NCKAP5: variants seen among roughly 807,000 people sequenced by gnomAD.
NCKAP5 encodes the protein nck-associated protein 5.
A neutral mutation model predicts 167.0 loss-of-function variants in NCKAP5; 92 were observed. The ratio of observed to expected loss-of-function variants is 0.55; its 90% CI spans 0.47 to 0.66. The LOEUF is 0.66. Among genes scored for constraint, NCKAP5 ranks in the 30% least tolerant of loss-of-function variants. The pLI, the probability that NCKAP5 is intolerant of heterozygous loss-of-function variation, is 0.00. For missense variants in NCKAP5, 2,378 were observed against 2,315.0 expected, an observed-to-expected ratio of 1.03 and a Z score of -0.56; for synonymous variants, 891 against 877.4, an observed-to-expected ratio of 1.02 and a Z score of -0.27.
chr2:133,595,288 T>A, the NCKAP5 span, among the ~76,000 whole-genome samples: 1 of 152,054 alleles, frequency 6.6e-6, no homozygotes, highest in Non-Finnish European at 1.5e-5. Flanking sequence ...ATAACCCAGT[T>A]CATCAGGGGG....
intron 4 of NCKAP5, among the ~76,000 whole-genome samples, chr2:133,245,713 A>G (rs2087944034): frequency 6.6e-6 from 1 of 152,106 alleles, no homozygotes; most frequent in Non-Finnish European, 1.5e-5. Context: ...TAGAGGAAAA[A>G]CAGGAGAATG....
intron 10 of NCKAP5, among the ~76,000 whole-genome samples, chr2:132,862,783 A>T (rs1489720825): frequency 6.6e-6 from 1 of 151,998 alleles, no homozygotes; most frequent in African/African-American, 2.4e-5. Flanking sequence ...AAAAAACCAA[A>T]AAAAAACAAA....
intron 2 of NCKAP5, among the ~76,000 whole-genome samples, chr2:133,523,210 T>C (rs2104782469): frequency 6.6e-6 from 1 of 152,116 alleles, no homozygotes; most frequent in South Asian, 2.1e-4. Context: ...TCTGATATAC[T>C]TCGTTAACAG....
At chr2:133,458,928 G>A in intron 3 of NCKAP5, among the ~76,000 whole-genome samples, 1 of 152,250 alleles carries the variant, frequency 6.6e-6, no homozygotes, top group Non-Finnish European at 1.5e-5. Flanking sequence ...TCCTTAAAAT[G>A]GTTTTCTACA....
intron 4 of NCKAP5, among the ~76,000 whole-genome samples, chr2:133,295,284 T>C (rs1679881177): frequency 6.6e-6 from 1 of 152,218 alleles, no homozygotes; most frequent in African/African-American, 2.4e-5. Context: ...CTCGATATGT[T>C]CCTTGAACCT....
intron 6 of NCKAP5, among the ~76,000 whole-genome samples, chr2:133,085,369 A>C (rs893558173): frequency 2.6e-5 from 4 of 152,180 alleles, no homozygotes; most frequent in Non-Finnish European, 5.9e-5. Context: ...TTGGTATTCT[A>C]AAAAATAAAA....
At chr2:133,671,576 G>C in the NCKAP5 span, among the ~76,000 whole-genome samples, 2 of 152,114 alleles carry the variant, frequency 1.3e-5, no homozygotes, top group African/African-American at 4.8e-5. Flanking sequence ...CTCACTGTGT[G>C]ATGCTCCACA....
rs115149878 is a variant in NCKAP5, at chr2:133,078,490, C to G, written c.341+51488G>C. Reference sequence around the variant, plus strand: ...AGCCAACTCTGCATGGGGAGATTCCCCCAGGACCTCTGCTGCTGGATGGTG... The same window carrying G: ...AGCCAACTCTGCATGGGGAGATTCCGCCAGGACCTCTGCTGCTGGATGGTG... On this transcript the variant is annotated intron_variant, in intron 6 of 19. Transcript: ENST00000409261. Among the ~76,000 whole-genome samples, 1,212 of 152,156 alleles carry G rather than the reference C, an allele frequency of 8.0e-3. 12 individuals carry two copies. Among genetic ancestry groups the G allele is most frequent in the African/African-American group, 0.028 (1,147 of 41,534 alleles).
chr2:133,492,423 G>C lies in NCKAP5; in HGVS notation c.69+25035C>G, dbSNP rs532504598. Among the ~76,000 whole-genome samples the C allele has an allele frequency of 2.0e-4, 31 of 152,244 alleles. No homozygotes were observed. The South Asian group carries it at 3.9e-3, about 19-fold the overall frequency. On this transcript the variant is annotated intron_variant, in intron 3 of 19. Transcript: ENST00000409261. ...GGTCTGTGGGTTCTTGCGGAAAGCG[G>C]GACTGTGCCTGTGATTTTCAGTTCT...
At chr2:133,512,699 G>A (rs1683600026) in intron 3 of NCKAP5, among the ~76,000 whole-genome samples, 1 of 152,188 alleles carries the variant, frequency 6.6e-6, no homozygotes, top group Admixed American at 6.5e-5. Context: ...TTCAATATGA[G>A]GAAGAAGTTT....
At chr2:132,959,553 C>T (rs549092080) in intron 8 of NCKAP5, among the ~76,000 whole-genome samples, 23 of 152,176 alleles carry the variant, frequency 1.5e-4, no homozygotes, top group East Asian at 3.9e-4. Context: ...AGAAGGGCCA[C>T]GTGGGAGTGT....
intron 6 of NCKAP5, among the ~76,000 whole-genome samples, chr2:133,105,215 T>C (rs1469195905): frequency 2.0e-5 from 3 of 152,250 alleles, no homozygotes; most frequent in Non-Finnish European, 4.4e-5. Flanking sequence ...AAATTGTTCA[T>C]GAAAAAATGT....
chr2:133,339,421 C>T (rs958083173), intron 3 of NCKAP5, among the ~76,000 whole-genome samples: 6 of 152,110 alleles, frequency 3.9e-5, no homozygotes, highest in Non-Finnish European at 7.3e-5. Flanking sequence ...GTATAGGTTG[C>T]TCTGGTCTTT....
intron 5 of NCKAP5, among the ~76,000 whole-genome samples, chr2:133,146,731 C>A (rs944271707): frequency 6.6e-6 from 1 of 152,026 alleles, no homozygotes; most frequent in Admixed American, 6.6e-5. Context: ...ACCCTATATT[C>A]CATCAGTAGG....
At position 133,430,287 on chromosome 2, in the gene NCKAP5, GC is replaced by G. The variant is rs552629693; in HGVS notation, c.69+87170del. Among the ~76,000 whole-genome samples the G allele has an allele frequency of 2.6e-3, 400 of 152,158 alleles. 3 individuals carry two copies. Among genetic ancestry groups the G allele is most frequent in the African/African-American group, 9.3e-3 (387 of 41,502 alleles). ...TCTGAATATTAGTCCTTTCTTGGAT[GC>G]ATAGTTTGCAAATATTTTCTCCCAA... On this transcript the variant is annotated intron_variant, in intron 3 of 19. Transcript: ENST00000409261.
chr2:132,946,421 T>C (rs1697734196), intron 8 of NCKAP5, among the ~76,000 whole-genome samples: 1 of 152,192 alleles, frequency 6.6e-6, no homozygotes, highest in South Asian at 2.1e-4. Flanking sequence ...TTGGAATTTA[T>C]AAACCTATAG....
At chr2:132,891,595 G>GTC (rs1158729017) in intron 8 of NCKAP5, among the ~76,000 whole-genome samples, 1 of 152,214 alleles carries the variant, frequency 6.6e-6, no homozygotes, top group Non-Finnish European at 1.5e-5. Flanking sequence ...ATAGATCAGT[G>GTC]TCTCTCTGTG....
intron 3 of NCKAP5, among the ~76,000 whole-genome samples, chr2:133,358,514 A>G (rs1393968261): frequency 6.6e-6 from 1 of 152,092 alleles, no homozygotes; most frequent in African/African-American, 2.4e-5. Flanking sequence ...GGACTTCAAA[A>G]CTGCAGTGAG....
intron 3 of NCKAP5, among the ~76,000 whole-genome samples, chr2:133,383,841 C>G (rs571100771): frequency 6.6e-6 from 1 of 152,296 alleles, no homozygotes; most frequent in East Asian, 1.9e-4. Flanking sequence ...TTTCATGTGT[C>G]TGTTGGCTGC....
Sources: allele counts gnomAD v4.1 joint callset (sites outside exome capture counted in the v4.1 genomes callset), GRCh38; gene constraint gnomAD v4.1.1; transcripts MANE v1.5; gene names NCBI Gene and HGNC (gene_info 2026-07-23, HGNC 2026-07-21).